DYSF: variants seen among roughly 807,000 people sequenced by gnomAD.
DYSF encodes the protein dysferlin, also known as dystrophy-associated fer-1-like 1.
DYSF carries 212 observed loss-of-function variants against 274.9 expected under a neutral mutation model. That is an observed-to-expected ratio of 0.77 (90% CI 0.69 to 0.86). DYSF has a LOEUF of 0.86. Ranked by LOEUF, DYSF falls within the 40% of genes least tolerant of loss-of-function variation. The probability of loss-of-function intolerance (pLI) is 0.00; values close to 1 mark genes in which losing one functional copy is unlikely to be tolerated. For missense variants in DYSF, 2,666 were observed against 2,783.2 expected (o/e 0.96, Z 0.95); for synonymous variants, 1,091 against 1,078.7 (o/e 1.01, Z -0.22).
chr2:71,460,954 A>G lies in DYSF; in HGVS notation c.88+6868A>G, dbSNP rs542986388. 2.7e-5 allele frequency among the ~76,000 whole-genome samples: 4 copies of G among 150,588 alleles called. No homozygotes were observed. The East Asian group carries it at 7.8e-4, about 30-fold the overall frequency. On this transcript the variant is annotated intron_variant, in intron 1 of 54. Transcript: ENST00000258104. ...GATAGACAGGAAAAAAAAAAAAAAA[A>G]GAAAAAGAAAAAGAAAAAAAGCTTT...
intron 30 of DYSF, among the ~76,000 whole-genome samples, chr2:71,574,608 A>C (rs1397788528): frequency 3.3e-5 from 5 of 152,198 alleles, no homozygotes; most frequent in Non-Finnish European, 7.3e-5. Context: ...TGCTGCTACT[A>C]CTTTGAGGTG....
intron 52 of DYSF, among the ~76,000 whole-genome samples, chr2:71,677,510 C>T (rs2152966052): frequency 6.6e-6 from 1 of 152,056 alleles, no homozygotes; most frequent in African/African-American, 2.4e-5. Context: ...ATGGTTCAAC[C>T]TAATAGCTGA....
At chr2:71,521,711 C>T (rs955692090) in intron 12 of DYSF, among the ~76,000 whole-genome samples, 9 of 152,162 alleles carry the variant, frequency 5.9e-5, no homozygotes, top group Admixed American at 5.2e-4. Flanking sequence ...ACACTGGCTC[C>T]TTGGCCACCT....
At chr2:71,553,752 A>AAAACCCCCCCCC in intron 20 of DYSF, 55 bp from the exon 21 acceptor site, 2 of 267,802 alleles carry the variant, frequency 7.5e-6, no homozygotes, top group Non-Finnish European at 1.3e-5. Context: ...TTAGCACCCC[A>AAAACCCCCCCCC]TCCCACCCGC....
intron 22 of DYSF, among the ~76,000 whole-genome samples, chr2:71,557,021 T>C (rs1448765209): frequency 6.6e-6 from 1 of 152,150 alleles, no homozygotes; most frequent in Admixed American, 6.5e-5. Flanking sequence ...TATCAAAATA[T>C]TACCCCAGAG....
At chr2:71,675,376 C>A (rs1388072717) in intron 52 of DYSF, among the ~76,000 whole-genome samples, 1 of 152,160 alleles carries the variant, frequency 6.6e-6, no homozygotes, top group African/African-American at 2.4e-5. Context: ...AAGTCAGGAT[C>A]CCTGGTTTCT....
intron 29 of DYSF, among the ~76,000 whole-genome samples, chr2:71,573,249 C>T (rs1364661979): frequency 4.6e-5 from 7 of 152,200 alleles, no homozygotes; most frequent in Non-Finnish European, 1.0e-4. Flanking sequence ...GTGCTGTGAA[C>T]CAGACAGATT....
Position 71,553,172 on chromosome 2 carries a change from C to T in DYSF, c.1968C>T (p.Ser656=). Residue 656 remains serine, a synonymous_variant, in exon 20 of 56, where the codon AGC becomes AGT. Transcript: ENST00000410020. ...CLPLASTTQY[S]RAVFDGCHYY... The stretch of plus-strand genomic sequence containing the variant: ...CGCTGGCCTCCACCACTCAGTACAG[C>T]CGTGCAGTCTTTGACGGTGAGGCAG... 2 of 1,614,114 alleles carry T rather than the reference C, an allele frequency of 1.2e-6. No homozygotes were observed. The highest frequency in any genetic ancestry group is 1.7e-6 in the Non-Finnish European group (2 of 1,180,036).
At chr2:71,674,573 G>C (rs977804934) in intron 52 of DYSF, among the ~76,000 whole-genome samples, 4 of 152,226 alleles carry the variant, frequency 2.6e-5, no homozygotes, top group African/African-American at 9.6e-5. Flanking sequence ...AGATATGTAA[G>C]TAAGCGAGGG....
At chr2:71,591,889 G>A (rs369927128) in intron 32 of DYSF, among the ~76,000 whole-genome samples, 8 of 152,318 alleles carry the variant, frequency 5.3e-5, no homozygotes, top group Middle Eastern at 3.4e-3. Context: ...GTTCTACCCC[G>A]TTTTGCTTTG....
chr2:71,645,564 A>G (rs2094554269), intron 42 of DYSF, among the ~76,000 whole-genome samples: 1 of 150,584 alleles, frequency 6.6e-6, no homozygotes, highest in African/African-American at 2.5e-5. Flanking sequence ...TAGGCACAGA[A>G]TGGGGGTGTG....
intron 22 of DYSF, among the ~76,000 whole-genome samples, chr2:71,560,394 A>AGGCCCCAG (rs1375124427): frequency 4.1e-5 from 2 of 49,160 alleles, no homozygotes; most frequent in African/African-American, 2.0e-4. Context: ...TCTCAGGCCC[A>AGGCCCCAG]CTCAGGCCTG....
chr2:71,503,223 G>A lies in DYSF; in HGVS notation c.249G>A (p.Gly83=). 6.2e-7 allele frequency: 1 copy of A among 1,614,030 alleles called. No homozygotes were observed. The highest frequency in any genetic ancestry group is 8.5e-7 in the Non-Finnish European group (1 of 1,179,966). The change falls in exon 4 of 56, where the codon GGG becomes GGA. Residue 83 remains glycine (G), a synonymous_variant. Coordinates refer to ENST00000410020, the MANE Select transcript of DYSF (RefSeq NM_001130987.2). The stretch of plus-strand genomic sequence containing the variant: ...TTCTCTCTCCTCTCAGGTTCCTGGG[G>A]GAAGCCAAGGTCCCACTCCGAGAGG... The part of the protein sequence containing the change: ...HETMGRNRFL[G]EAKVPLREVL...
intron 32 of DYSF, among the ~76,000 whole-genome samples, chr2:71,592,287 G>A (rs2093289527): frequency 6.6e-6 from 1 of 152,208 alleles, no homozygotes; most frequent in Non-Finnish European, 1.5e-5. Flanking sequence ...GTAGGGCAGT[G>A]GCACTGGTCT....
chr2:71,667,383 C>T lies in DYSF; in HGVS notation c.5325C>T (p.Gly1775=), dbSNP rs1465296402. The T allele has an allele frequency of 1.2e-6, 2 of 1,614,124 alleles. No homozygotes were observed. The highest frequency in any genetic ancestry group is 1.7e-6 in the Non-Finnish European group (2 of 1,180,030). ...GTCTTCTCTCTGGGGCAGAGGCTGG[C>T]AGGATCCCAAACCCACACCTGGGCC... The part of the protein sequence containing the change: ...KEYSIEEIEA[G]RIPNPHLGPV... Residue 1775 remains glycine (G), a synonymous_variant, in exon 48 of 56, where the codon GGC becomes GGT. Transcript: ENST00000410020.
chr2:71,606,597 A>C (rs548893268), intron 36 of DYSF, among the ~76,000 whole-genome samples: 1 of 152,158 alleles, frequency 6.6e-6, no homozygotes, highest in South Asian at 2.1e-4. Flanking sequence ...CAGGCTCAAG[A>C]GCTGGCAGAG....
chr2:71,600,999 G>T (rs973328326), intron 34 of DYSF, among the ~76,000 whole-genome samples, 157 bp downstream of exon 34: 3 of 152,228 alleles, frequency 2.0e-5, no homozygotes, highest in Non-Finnish European at 4.4e-5. Flanking sequence ...CATCGGAATA[G>T]AATTTGGGGA....
rs1303934818 is a variant in DYSF, at chr2:71,556,050, A to C, written c.2195A>C (p.Asp732Ala). The change falls in exon 22 of 56, where the codon GAT becomes GCT. Residue 732 changes from aspartate (D) to alanine (A), a missense_variant. Asp to Ala is a moderately radical substitution (Grantham distance 126, BLOSUM62 -2). Around this residue, in one of 3 missense-constraint regions of DYSF, gnomAD observed 412 missense variants for 504.0 expected, o/e 0.82. Transcript: ENST00000410020. ...GACTCGCTGGTGGCTCAGCTGACGG[A>C]TGAGCTCATCGCAGGCTGCAGGTAG... is the stretch of plus-strand genomic sequence containing the variant. ...DVDSLVAQLT[D>A]ELIAGCSQPL... 6.3e-7 allele frequency: 1 copy of C among 1,575,674 alleles called. No homozygotes were observed. Among genetic ancestry groups the C allele is most frequent in the South Asian group, 1.2e-5 (1 of 85,628 alleles).
intron 17 of DYSF, 37 bp from the exon 18 acceptor site, chr2:71,551,004 T>G (rs1480431676): frequency 6.3e-7 from 1 of 1,599,236 alleles, no homozygotes; most frequent in Non-Finnish European, 8.6e-7. Flanking sequence ...GAAGCCCCAC[T>G]GGGCCGACCC....
Sources: gnomAD v4.1 joint callset for allele counts (sites outside exome capture counted in the v4.1 genomes callset) on GRCh38, gnomAD v4.1.1 for gene constraint, gnomAD v4.1.1 regional missense constraint, MANE v1.5 for transcripts, NCBI Gene and HGNC (gene_info 2026-07-23, HGNC 2026-07-21) for gene names.